Variants in PRDM6 observed in about 807,000 individuals in gnomAD.
PRDM6 encodes the protein putative histone-lysine N-methyltransferase PRDM6.
In PRDM6, 25 loss-of-function variants were observed where a neutral mutation model predicts 60.8. The ratio of observed to expected loss-of-function variants is 0.41; its 90% CI spans 0.30 to 0.57. The LOEUF (loss-of-function observed/expected upper bound fraction) is 0.57, where lower values mean the gene tolerates loss of function less well. Among genes scored for constraint, PRDM6 ranks in the 20% least tolerant of loss-of-function variants. The pLI is 0.27. For synonymous variants in PRDM6, 407 were observed against 357.4 expected, an observed-to-expected ratio of 1.14 and a Z score of -1.57; for missense variants, 839 against 821.3, an observed-to-expected ratio of 1.02 and a Z score of -0.26.
At chr5:123,111,886 C>T (rs1429033483) in intron 3 of PRDM6, among the ~76,000 whole-genome samples, 1 of 152,116 alleles carries the variant, frequency 6.6e-6, no homozygotes, top group East Asian at 1.9e-4. Flanking sequence ...CCAGTCTCTA[C>T]CTTGCCTTCG....
intron 3 of PRDM6, among the ~76,000 whole-genome samples, chr5:123,105,368 T>C (rs1764180817): frequency 6.6e-6 from 1 of 152,210 alleles, no homozygotes; most frequent in Non-Finnish European, 1.5e-5. Flanking sequence ...AGTGATCTGA[T>C]GGAAATGTCA....
intron 5 of PRDM6, among the ~76,000 whole-genome samples, chr5:123,164,453 G>T (rs1765709878): frequency 6.6e-6 from 1 of 152,178 alleles, no homozygotes; most frequent in African/African-American, 2.4e-5. Context: ...CTAAAACCTA[G>T]CCCTAGTCGT....
chr5:123,101,324 T>C (rs1007289908), intron 3 of PRDM6, among the ~76,000 whole-genome samples: 4 of 152,064 alleles, frequency 2.6e-5, no homozygotes, highest in Admixed American at 1.3e-4. Flanking sequence ...AGTGTATGAG[T>C]CTACAGCCCA....
chr5:123,118,490 T>C lies in PRDM6; in HGVS notation c.900+18529T>C, dbSNP rs541634457. 3.3e-5 allele frequency among the ~76,000 whole-genome samples: 5 copies of C among 152,300 alleles called. No homozygotes were observed. In the South Asian group the frequency reaches 8.3e-4, roughly 25 times the overall value. On this transcript the variant is annotated intron_variant, in intron 3 of 7. Transcript: ENST00000407847. ...CAAATGAAGAGAACATGGGTTTGAC[T>C]CAACAAGTAAGGTAAAACTAGGTTT...
At chr5:123,120,324 C>G (rs922484637) in intron 3 of PRDM6, among the ~76,000 whole-genome samples, 2 of 152,154 alleles carry the variant, frequency 1.3e-5, no homozygotes, top group African/African-American at 4.8e-5. Context: ...TCATTCTCCT[C>G]TAGGAATTCT....
intron 5 of PRDM6, among the ~76,000 whole-genome samples, chr5:123,163,229 G>T (rs1474700727): frequency 6.6e-6 from 1 of 152,182 alleles, no homozygotes; most frequent in Non-Finnish European, 1.5e-5. Flanking sequence ...CAGATTTTTT[G>T]TTGTTGTTAA....
chr5:123,127,733 C>CTTTCT (rs1561833658), intron 3 of PRDM6, among the ~76,000 whole-genome samples: 70 of 140,716 alleles, frequency 5.0e-4, no homozygotes, highest in South Asian at 4.6e-4. Flanking sequence ...TCTTTCTTTC[C>CTTTCT]TTCTTTCCTT....
intron 5 of PRDM6, among the ~76,000 whole-genome samples, chr5:123,162,209 CAT>C (rs1047664040): frequency 1.3e-5 from 2 of 152,118 alleles, no homozygotes; most frequent in African/African-American, 4.8e-5. Context: ...GTGGGAGACT[CAT>C]ATCCACATGG....
At chr5:123,113,654 T>C (rs1249518503) in intron 3 of PRDM6, among the ~76,000 whole-genome samples, 1 of 152,208 alleles carries the variant, frequency 6.6e-6, no homozygotes, top group Non-Finnish European at 1.5e-5. Context: ...TTTCTGCCCC[T>C]TCTCACTATC....
intron 3 of PRDM6, among the ~76,000 whole-genome samples, chr5:123,136,456 T>C (rs1764955688): frequency 6.6e-6 from 1 of 152,310 alleles, no homozygotes; most frequent in African/African-American, 2.4e-5. Flanking sequence ...TTCACTGTTA[T>C]TATTTTCTTT....
intron 3 of PRDM6, among the ~76,000 whole-genome samples, chr5:123,125,545 G>C (rs933427832): frequency 1.3e-5 from 2 of 152,152 alleles, no homozygotes; most frequent in Admixed American, 1.3e-4. Flanking sequence ...TTCAAAGTCT[G>C]CTCAACATGG....
At chr5:123,128,394 A>C (rs1764742067) in intron 3 of PRDM6, among the ~76,000 whole-genome samples, 1 of 152,208 alleles carries the variant, frequency 6.6e-6, no homozygotes, top group Non-Finnish European at 1.5e-5. Flanking sequence ...AACAGTGTAA[A>C]AGCGTTCCTA....
intron 4 of PRDM6, 98 bp downstream of exon 4, chr5:123,156,109 G>C: frequency 8.1e-7 from 1 of 1,238,020 alleles, no homozygotes; most frequent in Non-Finnish European, 1.1e-6. Context: ...AAATCCTGCA[G>C]AACTCTGCAA....
At chr5:123,153,609 A>G (rs1462068472) in intron 3 of PRDM6, among the ~76,000 whole-genome samples, 2 of 152,206 alleles carry the variant, frequency 1.3e-5, no homozygotes, top group African/African-American at 4.8e-5. Context: ...AAAGCCTGAC[A>G]AATAGCCTTT....
chr5:123,141,636 C>A (rs1765104957), intron 3 of PRDM6, among the ~76,000 whole-genome samples: 1 of 152,062 alleles, frequency 6.6e-6, no homozygotes, highest in South Asian at 2.1e-4. Flanking sequence ...CCTGCTCTGC[C>A]CAGTTCCACT....
chr5:123,120,302 A>G (rs574487414), intron 3 of PRDM6, among the ~76,000 whole-genome samples: 101 of 152,310 alleles, frequency 6.6e-4, no homozygotes, highest in Middle Eastern at 3.4e-3. Flanking sequence ...GTTTTGATGC[A>G]GTTACCTGGT....
intron 5 of PRDM6, among the ~76,000 whole-genome samples, chr5:123,165,248 A>G (rs1765727666): frequency 6.6e-6 from 1 of 152,084 alleles, no homozygotes; most frequent in Admixed American, 6.5e-5. Context: ...CCTGCGTAAA[A>G]CTAAAACCAC....
chr5:123,156,622 C>A (rs1413355303), intron 4 of PRDM6, among the ~76,000 whole-genome samples: 1 of 152,106 alleles, frequency 6.6e-6, no homozygotes, highest in East Asian at 1.9e-4. Flanking sequence ...ATAGAGAAGC[C>A]CCTGGTTTCC....
At chr5:123,117,653 G>A (rs776393847) in intron 3 of PRDM6, among the ~76,000 whole-genome samples, 13 of 152,176 alleles carry the variant, frequency 8.5e-5, no homozygotes, top group East Asian at 3.8e-4. Context: ...CCTCAGATTC[G>A]TCCTGCTGGT....
Sources: allele counts gnomAD v4.1 joint callset (sites outside exome capture counted in the v4.1 genomes callset), GRCh38; gene constraint gnomAD v4.1.1; transcripts MANE v1.5; gene names NCBI Gene and HGNC (gene_info 2026-07-23, HGNC 2026-07-21).